Variants in CD58 observed in about 807,000 individuals in gnomAD.
CD58 encodes the protein CD58 molecule, also known as lymphocyte function-associated antigen 3.
In CD58, 14 loss-of-function variants were observed where a neutral mutation model predicts 27.6. The observed-to-expected ratio is 0.51, with a 90% CI of 0.34 to 0.79. The LOEUF (loss-of-function observed/expected upper bound fraction) is 0.79. CD58 is among the 30% of genes least tolerant of loss of function. The pLI is 0.02. For missense variants in CD58, 268 were observed against 301.7 expected (o/e 0.89, Z 0.83); for synonymous variants, 117 against 103.8 (o/e 1.13, Z -0.77).
In CD58 at chr1:116,546,911, T is replaced by C. The variant is rs1479284274; in HGVS notation, c.71-2307A>G. Among the ~76,000 whole-genome samples the C allele has an allele frequency of 6.6e-6, 1 of 152,208 alleles. No homozygotes were observed. Among genetic ancestry groups the C allele is most frequent in the Non-Finnish European group, 1.5e-5 (1 of 68,030 alleles). On this transcript the variant is annotated intron_variant, in intron 1 of 5. Transcript: ENST00000369489. This position sits in a 1 kb window ranked among gnomAD's most constrained non-coding sequence, Gnocchi z 4.1. ...ACCCCTCCTCCCACTTAGCCTGCTT[T>C]AACGTGAAGATAATGAGGATGAAGA...
intron 5 of CD58, chr1:116,518,782 C>T: frequency 2.0e-6 from 2 of 1,005,202 alleles, no homozygotes; most frequent in Non-Finnish European, 2.4e-6. Context: ...CAGCTCTGAC[C>T]CTGGCTCCTG....
rs536494699 is a variant in CD58, at chr1:116,556,397, C to A, written c.71-11793G>T. On this transcript the variant is annotated intron_variant, in intron 1 of 5. Transcript: ENST00000369489. ...GAAGCCAGATTTGAACCTGGACAAT[C>A]TGACTGCAGAATCAGTGCTCTTAAC... Among the ~76,000 whole-genome samples, 15 of 129,596 alleles carry A rather than the reference C, an allele frequency of 1.2e-4. No homozygotes were observed. The South Asian group carries it at 4.0e-3, about 34-fold the overall frequency. 85.0% of individuals were successfully genotyped at this position (129,596 alleles called of 152,430 possible). A position where few individuals can be genotyped will look rare whatever the true frequency, so the allele number is the denominator to read the frequency against.
At chr1:116,520,961 A>G (rs1430484227) in intron 4 of CD58, among the ~76,000 whole-genome samples, 1 of 152,228 alleles carries the variant, frequency 6.6e-6, no homozygotes, top group Non-Finnish European at 1.5e-5. Context: ...CTGCAATGAT[A>G]GGATTATTCC....
chr1:116,531,718 T>C lies in CD58; in HGVS notation c.628+4247A>G, dbSNP rs1229643094. On this transcript the variant is annotated intron_variant, in intron 3 of 5. Coordinates refer to ENST00000369489, the MANE Select transcript of CD58 (RefSeq NM_001779.3). This position sits in a 1 kb window ranked among gnomAD's most constrained non-coding sequence, Gnocchi z 4.5. ...TGTCTTCAAAAATCAAATCTATCAG[T>C]TATAAATTGGGACTCATTTGCACTT... 6.6e-6 allele frequency among the ~76,000 whole-genome samples: 1 copy of C among 152,238 alleles called. No homozygotes were observed. Among genetic ancestry groups the C allele is most frequent in the Non-Finnish European group, 1.5e-5 (1 of 68,034 alleles).
intron 1 of CD58, among the ~76,000 whole-genome samples, chr1:116,556,255 GAAA>G (rs1158092746): frequency 3.0e-4 from 9 of 29,826 alleles, no homozygotes; most frequent in African/African-American, 9.1e-4. Context: ...CTCCATCTCA[GAAA>G]AAAAAAAAAA....
chr1:116,558,098 T>C (rs2101217312), intron 1 of CD58, among the ~76,000 whole-genome samples: 1 of 151,628 alleles, frequency 6.6e-6, no homozygotes, highest in South Asian at 2.1e-4. Context: ...TCTAAAATAT[T>C]TTAAGGCTCA....
intron 1 of CD58, among the ~76,000 whole-genome samples, chr1:116,562,034 ACTGT>A (rs781769038): frequency 2.6e-5 from 4 of 152,162 alleles, no homozygotes; most frequent in Non-Finnish European, 4.4e-5. Flanking sequence ...AAAAACACAG[ACTGT>A]CTAAGTCTCA....
At chr1:116,564,953 C>T (rs1658883695) in intron 1 of CD58, among the ~76,000 whole-genome samples, 1 of 152,206 alleles carries the variant, frequency 6.6e-6, no homozygotes, top group Admixed American at 6.5e-5. Context: ...TTGCCCAGCA[C>T]TATCCAGGCC....
At chr1:116,518,477 A>G (rs759970349) in intron 5 of CD58, among the ~76,000 whole-genome samples, 3 of 152,076 alleles carry the variant, frequency 2.0e-5, no homozygotes, top group Non-Finnish European at 2.9e-5. Context: ...AGAATGACCC[A>G]AAGCCTCTCT....
intron 2 of CD58, among the ~76,000 whole-genome samples, chr1:116,542,235 G>A (rs1295713962): frequency 7.2e-5 from 11 of 152,182 alleles, no homozygotes; most frequent in South Asian, 6.2e-4. Context: ...CTGAGATCGC[G>A]CCATTGCATT....
chr1:116,516,236 G>A lies in CD58; in HGVS notation c.744-1414C>T, dbSNP rs2101149622. Among the ~76,000 whole-genome samples, 1 of 152,172 alleles carries A rather than the reference G, an allele frequency of 6.6e-6. No individual in the cohort carries two copies. Among genetic ancestry groups the A allele is most frequent in the African/African-American group, 2.4e-5 (1 of 41,508 alleles). On this transcript the variant is annotated intron_variant, in intron 5 of 5. Transcript: ENST00000369489. This position sits in a 1 kb window ranked among gnomAD's most constrained non-coding sequence, Gnocchi z 6.1. ...CTGAGCTTAGAGAATTCCCCCTGCT[G>A]CCACAATGGGTTCTTTAAATTTAAA...
At chr1:116,562,682 TG>T (rs1213245212) in intron 1 of CD58, among the ~76,000 whole-genome samples, 1 of 152,108 alleles carries the variant, frequency 6.6e-6, no homozygotes, top group Non-Finnish European at 1.5e-5. Context: ...AGAGAGAGCG[TG>T]TGCAGGGGAA....
At position 116,516,030 on chromosome 1, in the gene CD58, G is replaced by T. The variant is rs1055552451; in HGVS notation, c.744-1208C>A. ...ATCTCCTCCATCTCCACCATATACA[G>T]AACCTTTTAACATTTTAATTTAACT... is the stretch of plus-strand genomic sequence containing the variant. On this transcript the variant is annotated intron_variant, in intron 5 of 5. Transcript: ENST00000369489. This position sits in a 1 kb window ranked among gnomAD's most constrained non-coding sequence, Gnocchi z 6.1. Among the ~76,000 whole-genome samples the T allele has an allele frequency of 6.6e-6, 1 of 152,058 alleles. No homozygotes were observed.
rs897344161 is a variant in CD58, at chr1:116,536,751, A to G, written c.365-523T>C. Among the ~76,000 whole-genome samples the G allele has an allele frequency of 6.6e-6, 1 of 152,192 alleles. No homozygotes were observed. Among genetic ancestry groups the G allele is most frequent in the African/African-American group, 2.4e-5 (1 of 41,446 alleles). On this transcript the variant is annotated intron_variant, in intron 2 of 5. Transcript: ENST00000369489. This position sits in a 1 kb window ranked among gnomAD's most constrained non-coding sequence, Gnocchi z 5.4. ...CTTTATAAATTACCCAGTTTCAGGT[A>G]GTTCTTTATAGCAGTGTGAAAACAG...
intron 2 of CD58, among the ~76,000 whole-genome samples, chr1:116,539,893 T>C (rs1360772024): frequency 6.6e-6 from 1 of 152,216 alleles, no homozygotes; most frequent in East Asian, 1.9e-4. Flanking sequence ...CTAAGACAAT[T>C]AGTCAATTTA....
intron 1 of CD58, among the ~76,000 whole-genome samples, chr1:116,556,324 T>A (rs565863687): frequency 9.3e-5 from 14 of 151,148 alleles, no homozygotes; most frequent in African/African-American, 3.2e-4. Context: ...ATTTCTAACC[T>A]TATTATTTTG....
At chr1:116,529,952 G>A (rs546281650) in intron 3 of CD58, among the ~76,000 whole-genome samples, 1 of 152,256 alleles carries the variant, frequency 6.6e-6, no homozygotes, top group African/African-American at 2.4e-5. Flanking sequence ...AGAAACATGA[G>A]ATAATGAGGT....
intron 2 of CD58, among the ~76,000 whole-genome samples, chr1:116,539,279 A>G (rs541357107): frequency 3.9e-5 from 6 of 152,188 alleles, no homozygotes; most frequent in African/African-American, 1.4e-4. Flanking sequence ...ACTGAGTAGG[A>G]GTTGGGAGGT....
Position 116,556,224 on chromosome 1 carries a change from A to T in CD58, c.71-11620T>A, listed in dbSNP as rs888351263. 4.0e-3 allele frequency among the ~76,000 whole-genome samples: 588 copies of T among 146,390 alleles called. 7 individuals are homozygous for T. Among genetic ancestry groups the T allele is most frequent in the Non-Finnish European group, 2.8e-3 (190 of 67,026 alleles). ...GGCCAAGACTGTGCCACTGCACTCCAGCCTGGGTGACAGAGCAAGACTCCA... is the reference window on the plus strand; with the variant it reads ...GGCCAAGACTGTGCCACTGCACTCCTGCCTGGGTGACAGAGCAAGACTCCA... On this transcript the variant is annotated intron_variant, in intron 1 of 5. Transcript: ENST00000369489.
Sources: allele counts gnomAD v4.1 joint callset (sites outside exome capture counted in the v4.1 genomes callset), GRCh38; gene constraint gnomAD v4.1.1; non-coding constraint Gnocchi (gnomAD v3.1); transcripts MANE v1.5; gene names NCBI Gene and HGNC (gene_info 2026-07-23, HGNC 2026-07-21).